Variants in LARP1 observed in about 807,000 individuals in gnomAD.
LARP1 encodes la-related protein 1.
A neutral mutation model predicts 122.7 loss-of-function variants in LARP1; 36 were observed. That is an observed-to-expected ratio of 0.29 (90% CI 0.22 to 0.39). LARP1 has a LOEUF of 0.39. Among genes scored for constraint, LARP1 ranks in the 10% least tolerant of loss-of-function variants. The pLI, the probability that LARP1 is intolerant of heterozygous loss-of-function variation, is 1.00. For missense variants in LARP1, 1,040 were observed against 1,403.6 expected (o/e 0.74, Z 4.14); for synonymous variants, 539 against 528.7 (o/e 1.02, Z -0.27).
chr5:154,791,561 A>C (rs1757358411), intron 3 of LARP1, among the ~76,000 whole-genome samples: 1 of 152,176 alleles, frequency 6.6e-6, no homozygotes, highest in African/African-American at 2.4e-5. Context: ...AGCAACATTG[A>C]AATAGCTAAG....
chr5:154,803,576 C>T lies in LARP1; in HGVS notation c.2270C>T (p.Ala757Val), dbSNP rs1758514619. ...TDALANKLFG[A>V]PEPSTIARSL... ...GCCCTGGCCAACAAGTTGTTTGGTG[C>T]TCCTGAGCCCTCCACCATCGCCCGC... Residue 757 changes from alanine (A) to valine (V), a missense_variant, in exon 13 of 19, where the codon GCT (alanine) becomes GTT (valine). Coordinates refer to ENST00000518297, the MANE Select transcript of LARP1 (RefSeq NM_033551.3). The surrounding 1 kb of genome is among the most constrained non-coding windows in gnomAD (Gnocchi z 4.4). The T allele has an allele frequency of 3.7e-6, 6 of 1,614,058 alleles. No homozygotes were observed. Among genetic ancestry groups the T allele is most frequent in the Admixed American group, 1.7e-5 (1 of 60,004 alleles).
intron 1 of LARP1, chr5:154,786,349 T>G: frequency 2.5e-6 from 1 of 403,414 alleles, no homozygotes; most frequent in South Asian, 1.7e-5. Context: ...CTGGTATGCT[T>G]CATTTTTAAC....
chr5:154,795,427 C>T, intron 8 of LARP1, 108 bp downstream of exon 8: 3 of 1,100,870 alleles, frequency 2.7e-6, no homozygotes, highest in Non-Finnish European at 3.9e-6. Context: ...CTGATGACTT[C>T]TGCTGAAGTC....
chr5:154,755,302 C>G (rs1451060328), upstream of LARP1, among the ~76,000 whole-genome samples: 1 of 147,802 alleles, frequency 6.8e-6, no homozygotes. Context: ...CCCGCCGCGT[C>G]GTGAGGCGCG....
At chr5:154,767,382 A>T (rs1755038659) in intron 1 of LARP1, among the ~76,000 whole-genome samples, 1 of 152,208 alleles carries the variant, frequency 6.6e-6, no homozygotes, top group Non-Finnish European at 1.5e-5. Flanking sequence ...GTCAGGTGCT[A>T]TAGCTGGCCT....
At position 154,713,506 on chromosome 5, in the gene LARP1, C is replaced by T. The variant is rs17640663; in HGVS notation, c.205+376C>T. ...AACCACTAAATTGATGCAGGTTTAG[C>T]CAAAAGCAGTGTAGTATTTTATTCT... On this transcript the variant is annotated intron_variant, in intron 1 of 18. Transcript: ENST00000336314. 1.4e-3 allele frequency among the ~76,000 whole-genome samples: 219 copies of T among 152,290 alleles called. 1 individual carries two copies. Among genetic ancestry groups the T allele is most frequent in the East Asian group, 0.012 (64 of 5,186 alleles).
intron 1 of LARP1, among the ~76,000 whole-genome samples, chr5:154,744,928 C>T (rs1323605855): frequency 1.8e-5 from 2 of 112,604 alleles, no homozygotes; most frequent in Non-Finnish European, 3.5e-5. Context: ...TGAGCCACCG[C>T]GCCCGGCCGC....
chr5:154,767,300 A>G (rs1755032307), intron 1 of LARP1, among the ~76,000 whole-genome samples: 5 of 152,206 alleles, frequency 3.3e-5, no homozygotes, highest in Admixed American at 3.3e-4. Context: ...ATACGTGGTA[A>G]TGGTAAGAAT....
chr5:154,801,066 T>TA (rs1561623122), intron 10 of LARP1, among the ~76,000 whole-genome samples: 1 of 152,160 alleles, frequency 6.6e-6, no homozygotes, highest in Non-Finnish European at 1.5e-5. Flanking sequence ...TCTTAAACCT[T>TA]AAAAAAAGAT....
chr5:154,740,727 G>A (rs1050212763), intron 1 of LARP1, among the ~76,000 whole-genome samples: 1 of 152,208 alleles, frequency 6.6e-6, no homozygotes, highest in African/African-American at 2.4e-5. Flanking sequence ...GCCATTCATT[G>A]GTGAGATGAG....
intron 16 of LARP1, among the ~76,000 whole-genome samples, chr5:154,809,424 T>C (rs1312332527): frequency 6.9e-6 from 1 of 144,060 alleles, no homozygotes; most frequent in East Asian, 2.1e-4. Context: ...GAAAAGCTGA[T>C]GAAAACATCC....
Position 154,794,131 on chromosome 5 carries a change from G to A in LARP1, c.1101G>A (p.Lys367=), listed in dbSNP as rs1757564890. ...TTGACTACCAGTTTGGCTACCGAAA[G>A]TTTGATGGTGTGGAGGGGCCTCGTA... The part of the protein sequence containing the change: ...THFDYQFGYR[K]FDGVEGPRTP... Residue 367 remains lysine, a synonymous_variant, in exon 7 of 19, where the codon AAG becomes AAA. Coordinates refer to ENST00000518297, the MANE Select transcript of LARP1 (RefSeq NM_033551.3). 6.2e-7 allele frequency: 1 copy of A among 1,614,098 alleles called. No homozygotes were observed. The highest frequency in any genetic ancestry group is 1.3e-5 in the African/African-American group (1 of 74,928).
rs980717410 is a variant in LARP1 at position 154,815,878 on chromosome 5, C to T, written c.*1782C>T. ...GACTGGGATGTGTGTCGGTTATGGG[C>T]ATGACTGCACGTTCACTCTCAGTGG... On this transcript the variant is annotated 3_prime_UTR_variant, in exon 19 of 19. Transcript: ENST00000518297. The T allele has an allele frequency of 2.0e-5, 3 of 152,354 alleles. No individual in the cohort carries two copies. The highest frequency in any genetic ancestry group is 7.2e-5 in the African/African-American group (3 of 41,446). The allele number at this position is 152,354 out of a possible 1,614,324, so 9.4% of individuals were successfully genotyped here. A position where few individuals can be genotyped will look rare whatever the true frequency, so the allele number is the denominator to read the frequency against.
chr5:154,783,404 G>C (rs1561599360), intron 1 of LARP1, among the ~76,000 whole-genome samples: 1 of 152,184 alleles, frequency 6.6e-6, no homozygotes, highest in African/African-American at 2.4e-5. Context: ...TTGTCCAGCT[G>C]TTAGCTTAGG....
At chr5:154,783,347 C>T (rs1388908484) in intron 1 of LARP1, among the ~76,000 whole-genome samples, 1 of 152,124 alleles carries the variant, frequency 6.6e-6, no homozygotes, top group Non-Finnish European at 1.5e-5. Flanking sequence ...GTTTCCCTTG[C>T]CTCTCTGGGT....
chr5:154,782,421 AG>A (rs1204640008), intron 1 of LARP1, among the ~76,000 whole-genome samples: 10 of 152,164 alleles, frequency 6.6e-5, no homozygotes, highest in Non-Finnish European at 1.0e-4. Flanking sequence ...GAGTGGCCAC[AG>A]CCACCCGAGG....
intron 1 of LARP1, among the ~76,000 whole-genome samples, chr5:154,732,745 C>A (rs527510394): frequency 6.6e-6 from 1 of 151,106 alleles, no homozygotes; most frequent in Admixed American, 6.6e-5. Flanking sequence ...AAACAATAGA[C>A]CTTGTCTCCA....
At chr5:154,777,993 G>T (rs1470547963) in intron 1 of LARP1, among the ~76,000 whole-genome samples, 1 of 152,154 alleles carries the variant, frequency 6.6e-6, no homozygotes, top group African/African-American at 2.4e-5. Flanking sequence ...TGGGTGCGGT[G>T]ACTCACGCCT....
chr5:154,713,090 G>A, exon 1 of LARP1: 2 of 1,614,092 alleles, frequency 1.2e-6, no homozygotes, highest in Non-Finnish European at 1.7e-6. Context: ...ACAGGGAGAA[G>A]CCATTGCCAT....
Sources: gnomAD v4.1 joint callset for allele counts (sites outside exome capture counted in the v4.1 genomes callset) on GRCh38, gnomAD v4.1.1 for gene constraint, Gnocchi (gnomAD v3.1) non-coding constraint, MANE v1.5 for transcripts, NCBI Gene and HGNC (gene_info 2026-07-23, HGNC 2026-07-21) for gene names.